The following TLE6 variants were observed in gnomAD, a reference collection of about 807,000 sequenced individuals.
TLE6 encodes the protein transducin-like enhancer protein 6.
TLE6 carries 72 observed loss-of-function variants against 77.1 expected under a neutral mutation model. The observed-to-expected ratio is 0.93, with a 90% CI of 0.77 to 1.14. The LOEUF is 1.14. Ranked by LOEUF, TLE6 falls within the 50% of genes most tolerant of loss-of-function variation. The pLI is 0.00. For missense variants in TLE6, 843 were observed against 747.6 expected (o/e 1.13, Z -1.49); for synonymous variants, 366 against 287.3 (o/e 1.27, Z -2.77).
chr19:2,987,545 G>T lies in TLE6; in HGVS notation c.558+173G>T, dbSNP rs905766999. 7 of 1,125,278 alleles carry T rather than the reference G, an allele frequency of 6.2e-6. No homozygotes were observed. The Admixed American group carries it at 1.4e-4, about 23-fold the overall frequency. 69.7% of individuals were successfully genotyped at this position (1,125,278 alleles called of 1,614,324 possible). A position where few individuals can be genotyped will look rare whatever the true frequency, so the allele number is the denominator to read the frequency against. ...AGGAGGCTATACTGGAGTAGCCCAG[G>T]ACCCACAGCCCAGGGCTTCCAGGAC... On this transcript the variant is annotated intron_variant, in intron 8 of 16. Coordinates refer to ENST00000246112, the MANE Select transcript of TLE6 (RefSeq NM_001143986.2).
chr19:2,982,350 C>A (rs1274748169), intron 5 of TLE6, among the ~76,000 whole-genome samples, 161 bp downstream of exon 5: 2 of 137,196 alleles, frequency 1.5e-5, no homozygotes, highest in African/African-American at 5.6e-5. Context: ...CCAGCCTGAT[C>A]AACATGGTGA....
At chr19:2,985,997 C>G (rs979170297) in intron 5 of TLE6, among the ~76,000 whole-genome samples, 2 of 130,522 alleles carry the variant, frequency 1.5e-5, no homozygotes, top group African/African-American at 5.9e-5. Flanking sequence ...TTGCTTGAAC[C>G]CAGGAGGCGG....
Position 2,993,495 on chromosome 19 carries a change from C to T in TLE6, c.1450C>T (p.Gln484Ter). 6.3e-7 allele frequency: 1 copy of T among 1,599,558 alleles called. No homozygotes were observed. The highest frequency in any genetic ancestry group is 8.6e-7 in the Non-Finnish European group (1 of 1,169,148). The change falls in exon 15 of 17, where the codon CAG becomes TAG. Residue 484 changes from glutamine to a stop codon, truncating the protein, a stop_gained. Transcript: ENST00000246112. LOFTEE classifies it high-confidence loss of function. ...WVLLGMANGQ[Q>*]WLQSTSGSQR... ...GCTGCTGGGCATGGCCAATGGCCAGCAGTGGCTGCAAAGCACCAGCGGGAG... is the reference window on the plus strand; with the variant it reads ...GCTGCTGGGCATGGCCAATGGCCAGTAGTGGCTGCAAAGCACCAGCGGGAG...
chr19:2,987,876 G>A, intron 9 of TLE6, 22 bp from the exon 10 acceptor site: 1 of 1,612,004 alleles, frequency 6.2e-7, no homozygotes. Flanking sequence ...AAGCCGCTTA[G>A]CCCCTCTTGT....
At chr19:2,994,609 AAATAAT>A (rs1005648451) in intron 16 of TLE6, among the ~76,000 whole-genome samples, 4 of 150,398 alleles carry the variant, frequency 2.7e-5, no homozygotes, top group African/African-American at 5.0e-5. Flanking sequence ...CCATCTAAAA[AAATAAT>A]AATAATAATT....
At chr19:2,994,853 G>T (rs201762308) in intron 16 of TLE6, 47 bp from the exon 17 acceptor site, 96 of 1,108,314 alleles carry the variant, frequency 8.7e-5, no homozygotes, top group Non-Finnish European at 1.2e-4. Context: ...GGAGACCAGG[G>T]GTGTGTGAGC....
rs370535805 is a variant in TLE6, at chr19:2,978,750, A to G, written c.51+466A>G. Reference sequence around the variant, plus strand: ...CCATCCTTGGTGACAGTGAGATCCCATCTAAAAAAAAATGTAGCATCTAAT... The same window carrying G: ...CCATCCTTGGTGACAGTGAGATCCCGTCTAAAAAAAAATGTAGCATCTAAT... On this transcript the variant is annotated intron_variant, in intron 2 of 16. Coordinates refer to ENST00000246112, the MANE Select transcript of TLE6 (RefSeq NM_001143986.2). Among the ~76,000 whole-genome samples the G allele has an allele frequency of 1.4e-4, 21 of 152,214 alleles. No individual in the cohort carries two copies. In the South Asian group the frequency reaches 4.1e-3, roughly 30 times the overall value.
At position 2,995,061 on chromosome 19, in the gene TLE6, C is replaced by CCCA; in HGVS notation, c.*59_*60insACC. The stretch of plus-strand genomic sequence containing the variant: ...CCTCTTTTCATCCCCCCCCTTCCCC[C>CCCA]CCCCCAACAAGGGGGACATGGTGGA... On this transcript the variant is annotated 3_prime_UTR_variant, in exon 17 of 17. Transcript: ENST00000246112. 1 of 1,030,762 alleles carries CCCA rather than the reference C, an allele frequency of 9.7e-7. No individual in the cohort carries two copies. The highest frequency in any genetic ancestry group is 1.5e-6 in the Non-Finnish European group (1 of 688,212). The allele number at this position is 1,030,762 out of a possible 1,614,324, so 63.9% of individuals were successfully genotyped here.
At position 2,995,000 on chromosome 19, in the gene TLE6, A is replaced by C. The variant is rs1487774498; in HGVS notation, c.1715A>C (p.Tyr572Ser). 1 of 1,601,102 alleles carries C rather than the reference A, an allele frequency of 6.2e-7. No individual in the cohort carries two copies. The highest frequency in any genetic ancestry group is 1.3e-5 in the African/African-American group (1 of 74,426). The change falls in exon 17 of 17, where the codon TAC becomes TCC. Residue 572 changes from tyrosine (Y) to serine (S), a missense_variant. Coordinates refer to ENST00000246112, the MANE Select transcript of TLE6 (RefSeq NM_001143986.2). ...CACGCCTCCGTGTACCAGATCACCT[A>C]CTGAGGGGCCTCGCTGCTGTCATCC... ...GEHASVYQIT[Y>S]
chr19:2,987,400 G>A, intron 8 of TLE6, 28 bp downstream of exon 8: 3 of 1,612,928 alleles, frequency 1.9e-6, no homozygotes, highest in Non-Finnish European at 2.5e-6. Flanking sequence ...GCTCTATCCA[G>A]AGGGGTGGGC....
intron 14 of TLE6, among the ~76,000 whole-genome samples, chr19:2,992,814 G>T (rs749358672): frequency 0.062 from 6,100 of 99,178 alleles, 1,368 homozygotes; most frequent in South Asian, 0.17. Context: ...CGGGTGGGGG[G>T]GGGGGAGGAT....
rs900445826 is a variant in TLE6, at chr19:2,989,605, A to G, written c.1064A>G (p.Asn355Ser). Residue 355 changes from asparagine (N) to serine (S), a missense_variant, in exon 13 of 17, where the codon AAC (asparagine) becomes AGC (serine). Asn to Ser is a conservative substitution (Grantham distance 46). Transcript: ENST00000246112. ...AGGAGCCTGCTCACCGGTGGCTACA[A>G]CCTGGCCAGCGTGAGCGTGTGGGAC... The part of the protein sequence containing the change: ...NSRSLLTGGY[N>S]LASVSVWDLA... 10 of 1,613,876 alleles carry G rather than the reference A, an allele frequency of 6.2e-6. No individual in the cohort carries two copies. In the Admixed American group the frequency reaches 6.7e-5, roughly 11 times the overall value.
chr19:2,979,997 C>CT, intron 2 of TLE6, 103 bp from the exon 3 acceptor site: 1 of 619,354 alleles, frequency 1.6e-6, no homozygotes, highest in Non-Finnish European at 2.7e-6. Context: ...ACCACAATTA[C>CT]TTTTGCACCA....
intron 1 of TLE6, 65 bp from the exon 2 acceptor site, chr19:2,978,133 C>G (rs2145007828): frequency 1.6e-6 from 2 of 1,275,736 alleles, no homozygotes; most frequent in Admixed American, 2.1e-5. Context: ...GTAACGGGTG[C>G]CTTGCTTCCC....
chr19:2,987,727 C>T lies in TLE6; in HGVS notation c.562C>T (p.Gln188Ter), dbSNP rs1346809393. ...ATGAGACTTTTCCATTTTCCAGGGG[C>T]AGGAAAGCAAGGCACCAGGATCCTG... ...RDRQQAPGLG[Q>*]ESKAPGSCDP... The change falls in exon 9 of 17, where the codon CAG becomes TAG. Residue 188 changes from glutamine (Q) to a stop codon, truncating the protein, a stop_gained. Transcript: ENST00000246112. LOFTEE classifies it high-confidence loss of function. 1.3e-5 allele frequency: 21 copies of T among 1,614,002 alleles called. No individual in the cohort carries two copies. The highest frequency in any genetic ancestry group is 1.7e-5 in the Non-Finnish European group (20 of 1,180,022).
At chr19:2,982,266 A>C in intron 5 of TLE6, 77 bp downstream of exon 5, 1 of 1,491,806 alleles carries the variant, frequency 6.7e-7, no homozygotes, top group Non-Finnish European at 9.1e-7. Flanking sequence ...GGCCGGGCAC[A>C]GTGGCTCAAA....
intron 2 of TLE6, 51 bp downstream of exon 2, chr19:2,978,335 T>G (rs2088721894): frequency 6.5e-7 from 1 of 1,541,368 alleles, no homozygotes; most frequent in Non-Finnish European, 8.8e-7. Context: ...CCGGGCCCAA[T>G]GTGGTTCTGC....
intron 13 of TLE6, among the ~76,000 whole-genome samples, chr19:2,991,345 C>T (rs941254999): frequency 7.7e-5 from 9 of 117,384 alleles, no homozygotes; most frequent in African/African-American, 3.0e-4. Context: ...GGCAACAAAA[C>T]GAGACTCCAT....
chr19:2,980,220 G>T (rs746873035), intron 3 of TLE6, 38 bp downstream of exon 3: 125 of 1,520,658 alleles, frequency 8.2e-5, no homozygotes, highest in Non-Finnish European at 1.0e-4. Flanking sequence ...CTCACGCTGG[G>T]AAGGAGCCCC....
Sources: gnomAD v4.1 joint callset for allele counts (sites outside exome capture counted in the v4.1 genomes callset) on GRCh38, gnomAD v4.1.1 for gene constraint, MANE v1.5 for transcripts, NCBI Gene and HGNC (gene_info 2026-07-23, HGNC 2026-07-21) for gene names.